Variants in NINL observed in about 807,000 individuals in gnomAD.
The protein encoded by NINL is ninein like.
In NINL, 153 loss-of-function variants were observed where a neutral mutation model predicts 160.3. That is an observed-to-expected ratio of 0.95 (90% CI 0.84 to 1.09). NINL has a LOEUF of 1.09. Ranked by LOEUF, NINL falls within the 50% of genes least tolerant of loss-of-function variation. NINL has a pLI of 0.00. For missense variants in NINL, 1,829 were observed against 1,764.0 expected, an observed-to-expected ratio of 1.04 and a Z score of -0.66; for synonymous variants, 800 against 734.8, an observed-to-expected ratio of 1.09 and a Z score of -1.43.
intron 1 of NINL, among the ~76,000 whole-genome samples, chr20:25,543,176 C>T (rs542188645): frequency 3.7e-4 from 57 of 152,288 alleles, no homozygotes; most frequent in Middle Eastern, 3.4e-3. Context: ...GACACACACA[C>T]CCCCCTCCCA....
intron 11 of NINL, among the ~76,000 whole-genome samples, 187 bp downstream of exon 11, chr20:25,491,164 A>G (rs1236900502): frequency 1.3e-5 from 2 of 151,810 alleles, no homozygotes; most frequent in Non-Finnish European, 2.9e-5. Flanking sequence ...GCAAGCCAGG[A>G]CCCCTTCTGC....
intron 1 of NINL, among the ~76,000 whole-genome samples, chr20:25,533,336 A>C (rs2064500286): frequency 6.6e-6 from 1 of 152,196 alleles, no homozygotes; most frequent in Non-Finnish European, 1.5e-5. Flanking sequence ...AGAAGGAAAG[A>C]GGAAAGCCAT....
At chr20:25,529,832 C>A (rs1568945996) in intron 1 of NINL, among the ~76,000 whole-genome samples, 4 of 151,970 alleles carry the variant, frequency 2.6e-5, no homozygotes, top group African/African-American at 9.7e-5. Context: ...CAGAGCCAGA[C>A]CTCGTCTCAA....
chr20:25,530,276 A>G (rs1214922011), intron 1 of NINL, among the ~76,000 whole-genome samples: 1 of 152,180 alleles, frequency 6.6e-6, no homozygotes, highest in Non-Finnish European at 1.5e-5. Flanking sequence ...GTATTTTCAC[A>G]TAAGTATAAT....
At chr20:25,571,867 GAAAAAAAAAAAAAA>G (rs10536325) in intron 1 of NINL, among the ~76,000 whole-genome samples, 3 of 41,564 alleles carry the variant, frequency 7.2e-5, no homozygotes, top group African/African-American at 2.4e-4. Flanking sequence ...GACTCTGTCT[GAAAAAAAAAAAAAA>G]AAAAAAAAAA....
intron 8 of NINL, among the ~76,000 whole-genome samples, chr20:25,500,517 C>T (rs963032812): frequency 1.3e-5 from 2 of 152,232 alleles, no homozygotes; most frequent in Admixed American, 6.5e-5. Context: ...ATCATCACAA[C>T]AGGCAATTTC....
In NINL at chr20:25,476,628, G is replaced by A. The variant is rs760242811; in HGVS notation, c.2663C>T (p.Thr888Met). 7.5e-6 allele frequency: 12 copies of A among 1,591,992 alleles called. No homozygotes were observed. The highest frequency in any genetic ancestry group is 1.7e-4 in the Middle Eastern group (1 of 6,042). The change falls in exon 17 of 24, where the codon ACG becomes ATG. Residue 888 changes from threonine (T) to methionine (M), a missense_variant. Coordinates refer to ENST00000278886, the MANE Select transcript of NINL (RefSeq NM_025176.6). ...GGCAGGGGCGGGGGCCGGGCTCTGC[G>A]TAGCTTCTGTGTCCTGGGCTTGCCT... ...RRRQAQDTEA[T>M]QSPAPAPAPA...
At chr20:25,493,629 T>A (rs1177474496) in intron 10 of NINL, among the ~76,000 whole-genome samples, 1 of 151,884 alleles carries the variant, frequency 6.6e-6, no homozygotes, top group African/African-American at 2.4e-5. Context: ...CAAGGTCACC[T>A]CCCCCAGGGG....
chr20:25,562,748 G>A (rs1289232721), intron 1 of NINL, among the ~76,000 whole-genome samples: 2 of 149,024 alleles, frequency 1.3e-5, no homozygotes, highest in East Asian at 1.9e-4. Context: ...CCCCCTCTGC[G>A]AGAAACACCC....
intron 1 of NINL, among the ~76,000 whole-genome samples, chr20:25,528,845 CA>C (rs763291538): frequency 1.6e-3 from 239 of 152,310 alleles, no homozygotes; most frequent in Non-Finnish European, 2.1e-3. Flanking sequence ...AAAAGTCAAT[CA>C]AGCTCATTCA....
At chr20:25,577,821 T>C (rs888809284) in intron 1 of NINL, among the ~76,000 whole-genome samples, 19 of 111,836 alleles carry the variant, frequency 1.7e-4, no homozygotes, top group African/African-American at 2.9e-4. Flanking sequence ...TTCTGAAATA[T>C]TTTCTTTTCT....
chr20:25,553,422 C>T (rs1293733920), intron 1 of NINL, among the ~76,000 whole-genome samples: 1 of 152,194 alleles, frequency 6.6e-6, no homozygotes, highest in Non-Finnish European at 1.5e-5. Flanking sequence ...CCAGTGTCTC[C>T]ACTTCTCTAA....
chr20:25,534,467 G>C (rs918180605), intron 1 of NINL, among the ~76,000 whole-genome samples: 7 of 152,190 alleles, frequency 4.6e-5, no homozygotes, highest in African/African-American at 1.7e-4. Flanking sequence ...AGGTGATTTT[G>C]TTGTTATGCA....
Position 25,476,536 on chromosome 20 carries a change from C to A in NINL, c.2755G>T (p.Val919Phe), listed in dbSNP as rs1185520159. The A allele has an allele frequency of 6.2e-7, 1 of 1,600,414 alleles. No individual in the cohort carries two copies. Among genetic ancestry groups the A allele is most frequent in the African/African-American group, 1.3e-5 (1 of 74,940 alleles). ...MQPCGVDGDIVPKEPEPFGAS... is the reference protein window; with the variant it reads ...MQPCGVDGDIFPKEPEPFGAS... The stretch of plus-strand genomic sequence containing the variant: ...CCGAAAGGCTCTGGCTCCTTTGGGA[C>A]AATATCCCCATCCACTCCACAGGGC... Residue 919 changes from valine to phenylalanine, a missense_variant, in exon 17 of 24, where the codon GTC becomes TTC. Val to Phe is a conservative substitution (Grantham distance 50). Coordinates refer to ENST00000278886, the MANE Select transcript of NINL (RefSeq NM_025176.6).
chr20:25,534,899 T>A (rs2064530380), intron 1 of NINL, among the ~76,000 whole-genome samples: 1 of 152,236 alleles, frequency 6.6e-6, no homozygotes, highest in African/African-American at 2.4e-5. Context: ...TGTAAGTAGT[T>A]GTTATACCAT....
chr20:25,458,301 C>T (rs2090742906), intron 22 of NINL, 82 bp downstream of exon 22: 1 of 1,551,492 alleles, frequency 6.4e-7, no homozygotes, highest in Non-Finnish European at 8.8e-7. Context: ...AGTTGTGCAG[C>T]TTCTGGGTAA....
chr20:25,534,836 T>C (rs1568950134), intron 1 of NINL, among the ~76,000 whole-genome samples: 1 of 152,330 alleles, frequency 6.6e-6, no homozygotes, highest in Non-Finnish European at 1.5e-5. Flanking sequence ...TCCTCCTGTA[T>C]ACTTTAAATC....
In NINL at chr20:25,519,869, C is replaced by T. The variant is rs369898562; in HGVS notation, c.181-2020G>A. On this transcript the variant is annotated intron_variant, in intron 2 of 23. Transcript: ENST00000278886. The stretch of plus-strand genomic sequence containing the variant: ...AAATACAGTAATTAGCCGGGCATGG[C>T]GGCATGTGCCTGTAGACCCAGCTAC... 3.8e-3 allele frequency among the ~76,000 whole-genome samples: 577 copies of T among 151,488 alleles called. 4 individuals carry two copies. Among genetic ancestry groups the T allele is most frequent in the African/African-American group, 0.012 (515 of 41,330 alleles).
intron 4 of NINL, 130 bp from the exon 5 acceptor site, chr20:25,510,870 G>A: frequency 1.4e-6 from 1 of 708,936 alleles, no homozygotes. Flanking sequence ...TCCCTCAGAG[G>A]AAAAGCCCAC....
Sources: allele counts gnomAD v4.1 joint callset (sites outside exome capture counted in the v4.1 genomes callset), GRCh38; gene constraint gnomAD v4.1.1; transcripts MANE v1.5; gene names NCBI Gene and HGNC (gene_info 2026-07-23, HGNC 2026-07-21).